IGSF11: variants seen among roughly 807,000 people sequenced by gnomAD.
The protein encoded by IGSF11 is immunoglobulin superfamily member 11, also known as CXADR like 1.
In IGSF11, 22 loss-of-function variants were observed where a neutral mutation model predicts 41.0. The observed-to-expected ratio is 0.54, with a 90% CI of 0.38 to 0.77. The LOEUF is 0.77. Among genes scored for constraint, IGSF11 ranks in the 30% least tolerant of loss-of-function variants. IGSF11 has a pLI of 0.00. For synonymous variants in IGSF11, 219 were observed against 201.3 expected (o/e 1.09, Z -0.74); for missense variants, 444 against 530.8 (o/e 0.84, Z 1.61).
chr3:119,038,061 A>G (rs75097429), upstream of IGSF11, among the ~76,000 whole-genome samples: 808 of 152,314 alleles, frequency 5.3e-3, 14 homozygotes, highest in African/African-American at 0.019. Context: ...TAGAGCCAGC[A>G]TATAGTCTAG....
At chr3:119,140,948 G>T (rs2077638744) in intron 1 of IGSF11, among the ~76,000 whole-genome samples, 1 of 150,478 alleles carries the variant, frequency 6.6e-6, no homozygotes, top group African/African-American at 2.5e-5. Context: ...GGAGGCTGAG[G>T]CAGGAAAATT....
At chr3:119,008,730 A>G (rs1937717949) in intron 1 of IGSF11, among the ~76,000 whole-genome samples, 1 of 152,204 alleles carries the variant, frequency 6.6e-6, no homozygotes, top group African/African-American at 2.4e-5. Context: ...AGGTACCCAG[A>G]TATTTGGTCA....
chr3:119,117,747 C>T (rs897153687), intron 1 of IGSF11, among the ~76,000 whole-genome samples: 1 of 152,328 alleles, frequency 6.6e-6, no homozygotes, highest in South Asian at 2.1e-4. Context: ...GTCCCTTCCA[C>T]CTATGAGCCT....
intron 1 of IGSF11, among the ~76,000 whole-genome samples, chr3:119,065,792 CAAAAAAAAAAA>C (rs1193374379): frequency 1.8e-5 from 1 of 56,742 alleles, no homozygotes; most frequent in Non-Finnish European, 3.8e-5. Context: ...GACTCTGTCT[CAAAAAAAAAAA>C]AAAAAAAAAA....
intron 1 of IGSF11, among the ~76,000 whole-genome samples, chr3:118,957,285 C>T (rs565999638): frequency 1.3e-5 from 2 of 152,152 alleles, no homozygotes; most frequent in Non-Finnish European, 2.9e-5. Flanking sequence ...AGTCCAACTA[C>T]TCAAATGCTA....
intron 1 of IGSF11, among the ~76,000 whole-genome samples, chr3:118,996,599 TTTTG>T (rs1296416221): frequency 2.6e-5 from 4 of 151,940 alleles, no homozygotes; most frequent in African/African-American, 4.8e-5. Context: ...CTTGTTTTTT[TTTTG>T]TTTTTGTTTT....
intron 1 of IGSF11, among the ~76,000 whole-genome samples, chr3:119,093,894 A>AT (rs780005320): frequency 1.1e-3 from 173 of 152,286 alleles, no homozygotes; most frequent in Non-Finnish European, 1.9e-3. Context: ...GAGAAATAGA[A>AT]TATCCAAGAG....
chr3:118,903,944 A>G (rs138894088), intron 6 of IGSF11, among the ~76,000 whole-genome samples: 9 of 152,294 alleles, frequency 5.9e-5, no homozygotes, highest in African/African-American at 2.2e-4. Flanking sequence ...GCTTGAGCAA[A>G]AGCCCTGAGC....
intron 6 of IGSF11, among the ~76,000 whole-genome samples, chr3:118,903,992 G>A (rs796317726): frequency 1.3e-4 from 20 of 152,316 alleles, no homozygotes; most frequent in African/African-American, 4.6e-4. Flanking sequence ...GGCAAAGTGA[G>A]CTGAGAGTGA....
At chr3:119,073,833 C>T (rs1200132004) in intron 1 of IGSF11, among the ~76,000 whole-genome samples, 6 of 152,184 alleles carry the variant, frequency 3.9e-5, no homozygotes, top group East Asian at 3.9e-4. Context: ...TCAGCCAGTC[C>T]GGAGAGGGGC....
intron 1 of IGSF11, among the ~76,000 whole-genome samples, chr3:119,025,417 A>C (rs1939721895): frequency 6.6e-6 from 1 of 152,030 alleles, no homozygotes; most frequent in East Asian, 1.9e-4. Flanking sequence ...AAAAATTGGG[A>C]CTGATCAATC....
intron 1 of IGSF11, among the ~76,000 whole-genome samples, chr3:118,957,552 T>G (rs1262088777): frequency 6.6e-6 from 1 of 152,180 alleles, no homozygotes; most frequent in African/African-American, 2.4e-5. Context: ...AGAATCAAAT[T>G]TTGAATATAA....
At chr3:119,024,694 T>C (rs970458204) in intron 1 of IGSF11, among the ~76,000 whole-genome samples, 2 of 152,172 alleles carry the variant, frequency 1.3e-5, no homozygotes, top group African/African-American at 4.8e-5. Context: ...GCTCACAAGC[T>C]TGTCCCTTTT....
At chr3:119,044,664 C>A (rs251453) in intron 1 of IGSF11, among the ~76,000 whole-genome samples, 1 of 151,882 alleles carries the variant, frequency 6.6e-6, no homozygotes, top group East Asian at 1.9e-4. Context: ...TGAGGTAAAA[C>A]CATCTGGTAA....
At chr3:118,980,092 AAAC>A (rs1934552970) in intron 1 of IGSF11, among the ~76,000 whole-genome samples, 2 of 152,294 alleles carry the variant, frequency 1.3e-5, no homozygotes, top group South Asian at 2.1e-4. Flanking sequence ...CCACTATGGA[AAAC>A]AATATGGACA....
At chr3:119,145,993 C>A in exon 1 of IGSF11, 1 of 579,562 alleles carries the variant, frequency 1.7e-6, no homozygotes, top group South Asian at 2.1e-5. Context: ...TCCCTGCGCT[C>A]GCCTGCACAC....
chr3:119,052,867 C>T (rs1315843625), intron 1 of IGSF11, among the ~76,000 whole-genome samples: 2 of 152,044 alleles, frequency 1.3e-5, no homozygotes. Flanking sequence ...ATATGATACA[C>T]CACAAAAACA....
intron 4 of IGSF11, 93 bp downstream of exon 4, chr3:118,926,008 T>C (rs1429681778): frequency 1.0e-6 from 1 of 958,424 alleles, no homozygotes; most frequent in East Asian, 2.8e-5. Context: ...TTATAGGGTG[T>C]TATTTTTCAA....
At chr3:119,016,047 A>G (rs1938645312) in intron 1 of IGSF11, among the ~76,000 whole-genome samples, 1 of 152,244 alleles carries the variant, frequency 6.6e-6, no homozygotes, top group African/African-American at 2.4e-5. Flanking sequence ...GTCTGAGTAG[A>G]CCAGGCAGAA....
Sources: allele counts gnomAD v4.1 joint callset (sites outside exome capture counted in the v4.1 genomes callset), GRCh38; gene constraint gnomAD v4.1.1; transcripts MANE v1.5; gene names NCBI Gene and HGNC (gene_info 2026-07-23, HGNC 2026-07-21).